Variants in PCDH15 observed in about 807,000 individuals in gnomAD.
The protein encoded by PCDH15 is protocadherin-15.
PCDH15 carries 129 observed loss-of-function variants against 178.5 expected under a neutral mutation model. The ratio of observed to expected loss-of-function variants is 0.72; its 90% CI spans 0.63 to 0.84. PCDH15 has a LOEUF of 0.84. PCDH15 is among the 40% of genes least tolerant of loss of function. The pLI is 0.00. For missense variants in PCDH15, 2,230 were observed against 2,099.9 expected (o/e 1.06, Z -1.21); for synonymous variants, 800 against 732.0 (o/e 1.09, Z -1.50).
At chr10:55,284,563 C>T (rs754845867) in intron 1 of PCDH15, among the ~76,000 whole-genome samples, 2 of 98,538 alleles carry the variant, frequency 2.0e-5, no homozygotes, top group Admixed American at 9.5e-5. Context: ...TTGTTTTCTG[C>T]ATATTATTTT....
chr10:55,453,103 T>C (rs964745216), intron 2 of PCDH15, among the ~76,000 whole-genome samples: 1 of 152,142 alleles, frequency 6.6e-6, no homozygotes, highest in Non-Finnish European at 1.5e-5. Context: ...TAAGAACTAG[T>C]CTAAATCTCA....
At chr10:53,954,824 A>C (rs748236675) in intron 23 of PCDH15, among the ~76,000 whole-genome samples, 5 of 152,254 alleles carry the variant, frequency 3.3e-5, no homozygotes, top group Non-Finnish European at 7.3e-5. Flanking sequence ...TATTTTAAGA[A>C]CAATTTACTT....
At chr10:54,317,655 C>T (rs1442919568) in intron 7 of PCDH15, among the ~76,000 whole-genome samples, 1 of 151,884 alleles carries the variant, frequency 6.6e-6, no homozygotes, top group East Asian at 1.9e-4. Context: ...GCCTGTAGTC[C>T]CAGCTACTTG....
intron 2 of PCDH15, chr10:54,654,771 T>C (rs2094338475): frequency 6.6e-6 from 1 of 152,332 alleles, no homozygotes; most frequent in South Asian, 2.1e-4. Context: ...AATTAGAATG[T>C]GGGCATTTTT....
intron 21 of PCDH15, among the ~76,000 whole-genome samples, chr10:53,970,595 G>T (rs2089573988): frequency 6.6e-6 from 1 of 152,008 alleles, no homozygotes; most frequent in African/African-American, 2.4e-5. Flanking sequence ...AATAAAAAAT[G>T]ATAAAGGGGA....
intron 8 of PCDH15, among the ~76,000 whole-genome samples, chr10:54,312,161 CA>C (rs2133521043): frequency 6.6e-6 from 1 of 152,050 alleles, no homozygotes; most frequent in African/African-American, 2.4e-5. Context: ...ATTGAAATTT[CA>C]TGAAATTTTA....
intron 28 of PCDH15, among the ~76,000 whole-genome samples, chr10:53,847,954 A>C (rs957088746): frequency 6.6e-6 from 1 of 152,128 alleles, no homozygotes; most frequent in African/African-American, 2.4e-5. Flanking sequence ...TTAGACATAT[A>C]TGGAAGCATC....
chr10:54,520,639 TG>T (rs1479476468), intron 3 of PCDH15, among the ~76,000 whole-genome samples: 4 of 151,824 alleles, frequency 2.6e-5, no homozygotes, highest in African/African-American at 9.7e-5. Flanking sequence ...GTTCAACCAT[TG>T]TGGAAGTCAG....
chr10:54,973,235 G>A (rs1419556202), intron 2 of PCDH15, among the ~76,000 whole-genome samples: 1 of 152,134 alleles, frequency 6.6e-6, no homozygotes, highest in African/African-American at 2.4e-5. Context: ...AGAAGAAGTT[G>A]CTATGCAAAA....
At chr10:54,834,627 T>A (rs756063464) in intron 3 of PCDH15, among the ~76,000 whole-genome samples, 2 of 152,054 alleles carry the variant, frequency 1.3e-5, no homozygotes, top group Non-Finnish European at 2.9e-5. Context: ...AAAATAATTC[T>A]CTCTATTAGA....
At chr10:53,995,610 C>G in intron 21 of PCDH15, 39 bp downstream of exon 21, 2 of 1,613,474 alleles carry the variant, frequency 1.2e-6, no homozygotes, top group Non-Finnish European at 8.5e-7. Flanking sequence ...GGATTTTTCT[C>G]AGTACAGTTC....
chr10:53,866,204 C>A (rs1004479172), intron 27 of PCDH15, among the ~76,000 whole-genome samples: 1 of 152,004 alleles, frequency 6.6e-6, no homozygotes, highest in Non-Finnish European at 1.5e-5. Context: ...TCTTTGTTTT[C>A]TCAATTACAA....
chr10:54,606,530 A>G (rs1194769748), intron 2 of PCDH15: 1 of 152,110 alleles, frequency 6.6e-6, no homozygotes, highest in Non-Finnish European at 1.5e-5. Context: ...GCTATCAGAA[A>G]GAGAGAAGGA....
intron 2 of PCDH15, among the ~76,000 whole-genome samples, chr10:55,083,463 T>C (rs7902956): frequency 0.32 from 48,089 of 150,474 alleles, 8,111 homozygotes; most frequent in South Asian, 0.43. Context: ...TACTGAAGAG[T>C]AAAAAAATGA....
At chr10:55,380,592 A>C (rs566556599) in intron 2 of PCDH15, among the ~76,000 whole-genome samples, 1 of 152,210 alleles carries the variant, frequency 6.6e-6, no homozygotes, top group South Asian at 2.1e-4. Context: ...CCAAAAGCTG[A>C]GATTTTTCTA....
chr10:54,918,692 C>T (rs1464979299), intron 2 of PCDH15, among the ~76,000 whole-genome samples: 1 of 152,082 alleles, frequency 6.6e-6, no homozygotes, highest in Admixed American at 6.6e-5. Context: ...CCCAATATTA[C>T]TCTTTTTTAA....
intron 32 of PCDH15, among the ~76,000 whole-genome samples, chr10:53,827,043 TC>T (rs1326855786): frequency 2.6e-5 from 4 of 151,666 alleles, no homozygotes; most frequent in Admixed American, 6.6e-5. Flanking sequence ...TTTTTCAGAA[TC>T]TATTTATATA....
chr10:54,940,819 T>C (rs566426414), intron 2 of PCDH15, among the ~76,000 whole-genome samples: 1 of 152,168 alleles, frequency 6.6e-6, no homozygotes, highest in African/African-American at 2.4e-5. Context: ...CTTTTTATAG[T>C]CTATAGTTTA....
At chr10:53,821,157 T>TAA (rs1446984918) in intron 32 of PCDH15, 1 of 974,074 alleles carries the variant, frequency 1.0e-6, no homozygotes, top group Admixed American at 6.2e-5. Flanking sequence ...CAATGAGAAA[T>TAA]AAAGAGAATA....
Sources: gnomAD v4.1 joint callset for allele counts (sites outside exome capture counted in the v4.1 genomes callset) on GRCh38, gnomAD v4.1.1 for gene constraint, MANE v1.5 for transcripts, NCBI Gene and HGNC (gene_info 2026-07-23, HGNC 2026-07-21) for gene names.